KCNQ5: variants seen among roughly 807,000 people sequenced by gnomAD.
The protein encoded by KCNQ5 is potassium voltage-gated channel subfamily KQT member 5.
A neutral mutation model predicts 98.2 loss-of-function variants in KCNQ5; 30 were observed. The observed-to-expected ratio is 0.31, with a 90% confidence interval of 0.23 to 0.41. KCNQ5 has a LOEUF of 0.41. KCNQ5 is among the 10% of genes least tolerant of loss of function. The pLI, the probability that KCNQ5 is intolerant of heterozygous loss-of-function variation, is 1.00. For synonymous variants in KCNQ5, 458 were observed against 449.4 expected, an observed-to-expected ratio of 1.02 and a Z score of -0.24; for missense variants, 835 against 1,182.5, an observed-to-expected ratio of 0.71 and a Z score of 4.31.
intron 1 of KCNQ5, among the ~76,000 whole-genome samples, chr6:72,623,072 A>G (rs2098916270): frequency 2.0e-5 from 3 of 151,774 alleles, no homozygotes; most frequent in Admixed American, 2.0e-4. Flanking sequence ...CTAGGGGCGG[A>G]GTAGGGGAAG....
At position 73,195,263 on chromosome 6, in the gene KCNQ5, CA is replaced by C; in HGVS notation, c.2649del (p.Asp884ThrfsTer20). 1 of 1,614,190 alleles carries C rather than the reference CA, an allele frequency of 6.2e-7. No homozygotes were observed. On this transcript the variant is annotated frameshift_variant, in exon 14 of 14. Coordinates refer to ENST00000370398, the MANE Select transcript of KCNQ5 (RefSeq NM_019842.4). LOFTEE classifies it high-confidence loss of function. ...GAGGTGGGTCCCGAAGAGACAGAGA[CA>C]GACACTTTTGATGCCGCACCGCAGC... ...DEEVGPEETE[T>X]DTFDAAPQPA...
At chr6:73,193,019 ATTTT>A (rs66904981) in intron 13 of KCNQ5, among the ~76,000 whole-genome samples, 1 of 127,920 alleles carries the variant, frequency 7.8e-6, no homozygotes, top group Non-Finnish European at 1.6e-5. Context: ...TAGGTCATTA[ATTTT>A]TTTTTTTTTT....
At chr6:72,845,475 C>T (rs1022322288) in intron 1 of KCNQ5, among the ~76,000 whole-genome samples, 1 of 152,136 alleles carries the variant, frequency 6.6e-6, no homozygotes, top group Non-Finnish European at 1.5e-5. Flanking sequence ...TTTATGCAGA[C>T]TATTTCTATA....
At chr6:72,689,977 C>G (rs1015243319) in intron 1 of KCNQ5, among the ~76,000 whole-genome samples, 1 of 152,022 alleles carries the variant, frequency 6.6e-6, no homozygotes, top group Non-Finnish European at 1.5e-5. Flanking sequence ...GAGTGGCTTA[C>G]AAAAGCATGA....
intron 1 of KCNQ5, among the ~76,000 whole-genome samples, chr6:72,950,155 AG>A (rs1766731669): frequency 1.3e-5 from 2 of 152,236 alleles, no homozygotes; most frequent in Non-Finnish European, 2.9e-5. Context: ...AGAAAAACTA[AG>A]AATTTTGCCT....
intron 1 of KCNQ5, among the ~76,000 whole-genome samples, chr6:72,836,709 A>T (rs1034334996): frequency 6.6e-6 from 1 of 152,016 alleles, no homozygotes; most frequent in Admixed American, 6.6e-5. Flanking sequence ...TTCATTTTTT[A>T]TGTAAACACT....
chr6:72,647,666 G>A (rs1285889551), intron 1 of KCNQ5, among the ~76,000 whole-genome samples: 2 of 152,094 alleles, frequency 1.3e-5, no homozygotes, highest in Admixed American at 6.6e-5. Flanking sequence ...CCCATCTATG[G>A]ACAGCAAGGA....
intron 1 of KCNQ5, among the ~76,000 whole-genome samples, chr6:72,623,055 C>G (rs1048199889): frequency 6.6e-6 from 1 of 152,004 alleles, no homozygotes; most frequent in Non-Finnish European, 1.5e-5. Context: ...GGGCTAGGTC[C>G]TCAGTCCTAG....
chr6:73,153,129 C>A (rs753767952), intron 10 of KCNQ5, among the ~76,000 whole-genome samples: 1 of 152,074 alleles, frequency 6.6e-6, no homozygotes, highest in Non-Finnish European at 1.5e-5. Context: ...CAAGAAGTAC[C>A]TAACGTTGCC....
chr6:72,798,131 A>G (rs537811215), intron 1 of KCNQ5, among the ~76,000 whole-genome samples: 2 of 152,320 alleles, frequency 1.3e-5, no homozygotes, highest in East Asian at 3.9e-4. Flanking sequence ...CACAGTCACT[A>G]TGAGATTGTA....
chr6:73,141,827 A>G (rs142858612), intron 10 of KCNQ5, among the ~76,000 whole-genome samples: 50 of 152,344 alleles, frequency 3.3e-4, no homozygotes, highest in African/African-American at 1.1e-3. Context: ...TGAATGCTGT[A>G]TTAGTTATCT....
chr6:72,966,633 T>A (rs562313084), intron 1 of KCNQ5, among the ~76,000 whole-genome samples: 20 of 152,154 alleles, frequency 1.3e-4, no homozygotes, highest in Admixed American at 1.0e-3. Context: ...GGTATCCTCT[T>A]AAATTTGTGG....
intron 1 of KCNQ5, among the ~76,000 whole-genome samples, chr6:72,808,331 G>C (rs1423678305): frequency 6.6e-6 from 1 of 152,124 alleles, no homozygotes; most frequent in Non-Finnish European, 1.5e-5. Flanking sequence ...GCAATATGAA[G>C]AAACAGAGAC....
At chr6:72,931,351 A>G (rs971945832) in intron 1 of KCNQ5, among the ~76,000 whole-genome samples, 7 of 152,158 alleles carry the variant, frequency 4.6e-5, no homozygotes, top group Non-Finnish European at 8.8e-5. Context: ...ATTTTTCTTG[A>G]CTATTAATTT....
intron 1 of KCNQ5, among the ~76,000 whole-genome samples, chr6:72,684,192 A>T (rs923104067): frequency 3.3e-4 from 51 of 152,348 alleles, no homozygotes; most frequent in African/African-American, 1.1e-3. Flanking sequence ...TCCACCATCC[A>T]TAGTCACCAA....
intron 9 of KCNQ5, 105 bp downstream of exon 9, chr6:73,124,617 A>T (rs1775874715): frequency 9.8e-7 from 1 of 1,024,682 alleles, no homozygotes; most frequent in African/African-American, 1.6e-5. Context: ...ATACAAGATG[A>T]TTAAAAGTGA....
Position 72,622,292 on chromosome 6 carries a change from G to A in KCNQ5, c.103G>A (p.Gly35Ser), listed in dbSNP as rs984795842. 1 of 1,312,258 alleles carries A rather than the reference G, an allele frequency of 7.6e-7. No homozygotes were observed. The highest frequency in any genetic ancestry group is 9.7e-7 in the Non-Finnish European group (1 of 1,034,350). 81.3% of individuals were successfully genotyped at this position (1,312,258 alleles called of 1,614,324 possible). The stretch of plus-strand genomic sequence containing the variant: ...GGCGGGCGGGGGGCGCTTGGGCAGC[G>A]GCATGAAGGATGTGGAGTCCGGCCG... ...AAAGGGRLGS[G>S]MKDVESGRGR... The change falls in exon 1 of 14, where the codon GGC becomes AGC. Residue 35 changes from glycine (G) to serine (S), a missense_variant. Physicochemically the swap from Gly to Ser is moderately conservative, Grantham distance 56. Transcript: ENST00000370398. This position sits in a 1 kb window ranked among gnomAD's most constrained non-coding sequence, Gnocchi z 6.0.
chr6:72,995,436 A>T (rs1769250201), intron 1 of KCNQ5, among the ~76,000 whole-genome samples: 1 of 152,068 alleles, frequency 6.6e-6, no homozygotes, highest in Admixed American at 6.5e-5. Flanking sequence ...CATCAAGAGT[A>T]AAAAAATTAC....
At chr6:72,636,543 C>T (rs1039555877) in intron 1 of KCNQ5, among the ~76,000 whole-genome samples, 2 of 152,250 alleles carry the variant, frequency 1.3e-5, no homozygotes, top group Non-Finnish European at 1.5e-5. Context: ...TTTTCTCTCA[C>T]ACCTGAATGA....
Sources: gnomAD v4.1 joint callset for allele counts (sites outside exome capture counted in the v4.1 genomes callset) on GRCh38, gnomAD v4.1.1 for gene constraint, Gnocchi (gnomAD v3.1) non-coding constraint, MANE v1.5 for transcripts, NCBI Gene and HGNC (gene_info 2026-07-23, HGNC 2026-07-21) for gene names.